The following CASR variants were observed in gnomAD, a reference collection of about 807,000 sequenced individuals.
CASR encodes the protein calcium sensing receptor, also known as extracellular calcium-sensing receptor.
CASR carries 23 observed loss-of-function variants against 69.1 expected under a neutral mutation model. The ratio of observed to expected loss-of-function variants is 0.33; its 90% CI spans 0.24 to 0.47. The LOEUF is 0.47. CASR is among the 20% of genes least tolerant of loss of function. CASR has a pLI of 1.00. For missense variants in CASR, 924 were observed against 1,356.1 expected (o/e 0.68, Z 5.00); for synonymous variants, 541 against 544.7 (o/e 0.99, Z 0.10).
intron 1 of CASR, among the ~76,000 whole-genome samples, chr3:122,235,938 A>G (rs2074325606): frequency 6.6e-6 from 1 of 152,236 alleles, no homozygotes; most frequent in Non-Finnish European, 1.5e-5. Context: ...CTTAAAACAC[A>G]GGTTGCTGGT....
At chr3:122,201,019 T>A (rs1390097011) in intron 1 of CASR, among the ~76,000 whole-genome samples, 37 of 139,272 alleles carry the variant, frequency 2.7e-4, no homozygotes, top group South Asian at 4.4e-4. Context: ...TTTTTTTTTT[T>A]ATTGATCATT....
At chr3:122,224,705 G>A (rs148438653) in intron 1 of CASR, among the ~76,000 whole-genome samples, 33 of 152,058 alleles carry the variant, frequency 2.2e-4, no homozygotes, top group East Asian at 3.9e-4. Flanking sequence ...TAAAATTCAC[G>A]TAGAACCAAA....
chr3:122,267,077 G>T (rs2074703777), intron 4 of CASR, among the ~76,000 whole-genome samples: 1 of 152,170 alleles, frequency 6.6e-6, no homozygotes, highest in African/African-American at 2.4e-5. Context: ...AACTTATGTT[G>T]CTTTTTTTGT....
rs1045751767 is a variant in CASR at position 122,288,289 on chromosome 3, C to T, written c.*3098C>T. ...TAGAAGCTGGCAAATGCCAGAAAACCGATTCTCCCCTAAAACATCCAGAAA... is the reference window on the plus strand; with the variant it reads ...TAGAAGCTGGCAAATGCCAGAAAACTGATTCTCCCCTAAAACATCCAGAAA... On this transcript the variant is annotated 3_prime_UTR_variant, in exon 7 of 7. Transcript: ENST00000639785. The T allele has an allele frequency of 2.0e-5, 3 of 152,352 alleles. No homozygotes were observed. The highest frequency in any genetic ancestry group is 4.1e-4 in the South Asian group (2 of 4,824). The allele number at this position is 152,352 out of a possible 1,614,324, so 9.4% of individuals were successfully genotyped here.
rs907995036 is a variant in CASR, at chr3:122,288,280, C to G, written c.*3089C>G. 1 of 152,200 alleles carries G rather than the reference C, an allele frequency of 6.6e-6. No individual in the cohort carries two copies. 9.4% of individuals were successfully genotyped at this position (152,200 alleles called of 1,614,324 possible). A position where few individuals can be genotyped will look rare whatever the true frequency, so the allele number is the denominator to read the frequency against. On this transcript the variant is annotated 3_prime_UTR_variant, in exon 7 of 7. Coordinates refer to ENST00000639785, the MANE Select transcript of CASR (RefSeq NM_000388.4). The stretch of plus-strand genomic sequence containing the variant: ...GGCTGCTTCTAGAAGCTGGCAAATG[C>G]CAGAAAACCGATTCTCCCCTAAAAC...
chr3:122,212,644 T>A (rs1468932746), intron 1 of CASR, among the ~76,000 whole-genome samples: 1 of 10,782 alleles, frequency 9.3e-5, no homozygotes, highest in Non-Finnish European at 2.6e-4. Flanking sequence ...TTTTCTACAA[T>A]TTTTTTTTTT....
intron 1 of CASR, among the ~76,000 whole-genome samples, chr3:122,239,582 C>T (rs2074361192): frequency 1.3e-5 from 2 of 152,180 alleles, no homozygotes; most frequent in Admixed American, 1.3e-4. Flanking sequence ...AGATGGTAGC[C>T]AGGTAGTGGT....
intron 4 of CASR, among the ~76,000 whole-genome samples, chr3:122,274,803 T>C (rs1576869322): frequency 6.6e-6 from 1 of 152,112 alleles, no homozygotes; most frequent in African/African-American, 2.4e-5. Flanking sequence ...CAGTGGAAGG[T>C]GTACCCTACA....
At chr3:122,243,399 G>A (rs2134221) in intron 1 of CASR, among the ~76,000 whole-genome samples, 104,988 of 152,016 alleles carry the variant, frequency 0.69, 36,499 homozygotes, top group Admixed American at 0.78. Flanking sequence ...AGACATATGA[G>A]TATGAAACAG....
intron 1 of CASR, chr3:122,246,923 A>G (rs1484703077): frequency 1.3e-5 from 2 of 152,270 alleles, no homozygotes; most frequent in Admixed American, 1.3e-4. Flanking sequence ...ATGCCTGACC[A>G]GAGAATGACT....
rs1378596161 is a variant in CASR at position 122,291,490 on chromosome 3, G to A, written c.*6299G>A. The A allele has an allele frequency of 1.3e-5, 2 of 152,144 alleles. No homozygotes were observed. The highest frequency in any genetic ancestry group is 4.8e-5 in the African/African-American group (2 of 41,434). 9.4% of individuals were successfully genotyped at this position (152,144 alleles called of 1,614,324 possible). A position where few individuals can be genotyped will look rare whatever the true frequency, so the allele number is the denominator to read the frequency against. On this transcript the variant is annotated 3_prime_UTR_variant, in exon 7 of 7. Coordinates refer to ENST00000639785, the MANE Select transcript of CASR (RefSeq NM_000388.4). ...TTTCTCTGATGGCCAGTGATGATGA[G>A]CATTATAAATGAAGATTGCTTGGTA...
chr3:122,261,897 A>G lies in CASR; in HGVS notation c.862A>G (p.Ile288Val), dbSNP rs2107632419. The change falls in exon 4 of 7, where the codon ATC becomes GTC. Residue 288 changes from isoleucine to valine, a missense_variant. Physicochemically the swap from Ile to Val is conservative, Grantham distance 29. Around this residue, in one of 8 missense-constraint regions of CASR, gnomAD observed 310 missense variants for 395.7 expected, o/e 0.78. Coordinates refer to ENST00000639785, the MANE Select transcript of CASR (RefSeq NM_000388.4). ...CATCAAGGAGATTGTCCGGCGCAATATCACGGGCAAGATCTGGCTGGCCAG... is the reference window on the plus strand; with the variant it reads ...CATCAAGGAGATTGTCCGGCGCAATGTCACGGGCAAGATCTGGCTGGCCAG... ...PLIKEIVRRNITGKIWLASEA... is the reference protein window; with the variant it reads ...PLIKEIVRRNVTGKIWLASEA... 2 of 1,614,184 alleles carry G rather than the reference A, an allele frequency of 1.2e-6. No homozygotes were observed. The highest frequency in any genetic ancestry group is 1.7e-6 in the Non-Finnish European group (2 of 1,180,026).
At chr3:122,257,956 C>T (rs978343042) in intron 3 of CASR, among the ~76,000 whole-genome samples, 7 of 152,154 alleles carry the variant, frequency 4.6e-5, no homozygotes, top group Non-Finnish European at 7.4e-5. Context: ...CTCCACTTTG[C>T]GGGAACTTAG....
rs202116649 is a variant in CASR at position 122,285,219 on chromosome 3, G to C, written c.*28G>C. The C allele has an allele frequency of 1.9e-6, 3 of 1,607,364 alleles. No individual in the cohort carries two copies. The highest frequency in any genetic ancestry group is 2.6e-6 in the Non-Finnish European group (3 of 1,174,752). On this transcript the variant is annotated 3_prime_UTR_variant, in exon 7 of 7. Transcript: ENST00000639785. ...TGGAAGGAGAAGACTGGGCTAGGGA[G>C]AATGCAGAGAGGTTTCTTGGGGTCC... is the stretch of plus-strand genomic sequence containing the variant.
Position 122,291,523 on chromosome 3 carries a change from A to G in CASR, c.*6332A>G, listed in dbSNP as rs967803810. 6.6e-6 allele frequency: 1 copy of G among 152,238 alleles called. No homozygotes were observed. The highest frequency in any genetic ancestry group is 2.4e-5 in the African/African-American group (1 of 41,466). The allele number at this position is 152,238 out of a possible 1,614,324, so 9.4% of individuals were successfully genotyped here. On this transcript the variant is annotated 3_prime_UTR_variant, in exon 7 of 7. Transcript: ENST00000639785. ...AATGAAGATTGCTTGGTAGTGGACT[A>G]ATGGATAATTGTTTCTGCTTCTTTA...
At chr3:122,257,409 G>T (rs902683995) in intron 3 of CASR, 22 bp downstream of exon 3, 1 of 1,585,388 alleles carries the variant, frequency 6.3e-7, no homozygotes, top group Non-Finnish European at 8.6e-7. Context: ...TTCTCAGGCG[G>T]GGCACTGGGA....
chr3:122,227,369 G>A (rs1254862051), intron 1 of CASR, among the ~76,000 whole-genome samples: 6 of 152,214 alleles, frequency 3.9e-5, no homozygotes, highest in Admixed American at 2.6e-4. Context: ...CCTGCCCCAC[G>A]GGGAGGCAGC....
intron 1 of CASR, among the ~76,000 whole-genome samples, chr3:122,201,636 C>G (rs1371586528): frequency 1.3e-5 from 1 of 78,564 alleles, no homozygotes; most frequent in Non-Finnish European, 3.5e-5. Flanking sequence ...GGGCGACCCC[C>G]CACCTCCCTC....
rs2073855937 is a variant in CASR, at chr3:122,193,210, GTT to G, written c.-243+9400_-243+9401del. 2.0e-4 allele frequency among the ~76,000 whole-genome samples: 28 copies of G among 143,264 alleles called. No individual in the cohort carries two copies. In the South Asian group the frequency reaches 6.3e-3, roughly 32 times the overall value. 94.0% of individuals were successfully genotyped at this position (143,264 alleles called of 152,430 possible). On this transcript the variant is annotated intron_variant, in intron 1 of 6. Coordinates refer to ENST00000639785, the MANE Select transcript of CASR (RefSeq NM_000388.4). ...TCTGGTTTTTTTTTTGTTTGTGTTTGTTTGTTTGTTTGTTTGTTTGTTTTTTG... is the reference window on the plus strand; with the variant it reads ...TCTGGTTTTTTTTTTGTTTGTGTTTGTGTTTGTTTGTTTGTTTGTTTTTTG...
Sources: gnomAD v4.1 joint callset for allele counts (sites outside exome capture counted in the v4.1 genomes callset) on GRCh38, gnomAD v4.1.1 for gene constraint, gnomAD v4.1.1 regional missense constraint, MANE v1.5 for transcripts, NCBI Gene and HGNC (gene_info 2026-07-23, HGNC 2026-07-21) for gene names.